PLA2G15: variants seen among roughly 807,000 people sequenced by gnomAD.
PLA2G15 encodes lysosomal phospholipase A and acyltransferase.
PLA2G15 carries 20 observed loss-of-function variants against 40.9 expected under a neutral mutation model. That is an observed-to-expected ratio of 0.49 (90% confidence interval 0.34 to 0.71). The LOEUF is 0.71. Among genes scored for constraint, PLA2G15 ranks in the 30% least tolerant of loss-of-function variants. PLA2G15 has a pLI of 0.01. For synonymous variants in PLA2G15, 223 were observed against 228.2 expected (o/e 0.98, Z 0.21); for missense variants, 471 against 541.9 (o/e 0.87, Z 1.30).
rs1474815797 is a variant in PLA2G15 at position 68,255,769 on chromosome 16, A to G, written c.506A>G (p.Glu169Gly). The change falls in exon 5 of 6, where the codon GAA (glutamate) becomes GGA (glycine). Residue 169 changes from glutamate (E) to glycine (G), a missense_variant. Glu to Gly is a moderately conservative substitution (Grantham distance 98). Transcript: ENST00000219345. This position sits in a 1 kb window ranked among gnomAD's most constrained non-coding sequence, Gnocchi z 5.9. ...APYDWRRAPN[E>G]NGPYFLALRE... ...CCTGCCTGGCTCTGGCCTGCAGATG[A>G]AAACGGGCCCTACTTCCTGGCCCTC... The G allele has an allele frequency of 6.2e-7, 1 of 1,613,940 alleles. No individual in the cohort carries two copies. Among genetic ancestry groups the G allele is most frequent in the Non-Finnish European group, 8.5e-7 (1 of 1,179,820 alleles).
chr16:68,256,065 C>T, intron 5 of PLA2G15, 75 bp downstream of exon 5: 1 of 946,892 alleles, frequency 1.1e-6, no homozygotes. Flanking sequence ...TAAGTGTCCT[C>T]CTGGGCCAGC....
chr16:68,246,818 G>A (rs1317684884), intron 1 of PLA2G15, among the ~76,000 whole-genome samples: 1 of 152,152 alleles, frequency 6.6e-6, no homozygotes, highest in Non-Finnish European at 1.5e-5. Flanking sequence ...AGCATCTCAG[G>A]CTGCCTGGGA....
intron 2 of PLA2G15, among the ~76,000 whole-genome samples, chr16:68,252,242 G>T (rs1341909000): frequency 6.6e-6 from 1 of 152,134 alleles, no homozygotes; most frequent in African/African-American, 2.4e-5. Context: ...TCTACAAATT[G>T]CCCTGGAGAG....
At chr16:68,248,037 G>T (rs186551423) in intron 1 of PLA2G15, among the ~76,000 whole-genome samples, 197 of 152,312 alleles carry the variant, frequency 1.3e-3, no homozygotes, top group Non-Finnish European at 2.5e-3. Context: ...CCTGGACTGT[G>T]GTGATAATGG....
Position 68,245,549 on chromosome 16 carries a change from G to T in PLA2G15, c.123G>T (p.Val41=). ...CGGCCGGACGTCACCCCCCAGTGGT[G>T]CTGGGTGAGGCACGGGTCTCGTGGT... ...ALPAGRHPPV[V]LVPGDLGNQL... is the part of the protein sequence containing the mutation. Residue 41 remains valine, a synonymous_variant, in exon 1 of 6, where the codon GTG becomes GTT. Transcript: ENST00000219345. 1 of 1,577,322 alleles carries T rather than the reference G, an allele frequency of 6.3e-7. No individual in the cohort carries two copies. The highest frequency in any genetic ancestry group is 8.6e-7 in the Non-Finnish European group (1 of 1,167,372).
Position 68,259,163 on chromosome 16 carries a change from C to T in PLA2G15, c.745C>T (p.Pro249Ser), listed in dbSNP as rs2042423320. The T allele has an allele frequency of 1.9e-6, 3 of 1,612,830 alleles. No individual in the cohort carries two copies. Among genetic ancestry groups the T allele is most frequent in the Non-Finnish European group, 2.5e-6 (3 of 1,179,542 alleles). The change falls in exon 6 of 6, where the codon CCA (proline) becomes TCA (serine). Residue 249 changes from proline (P) to serine (S), a missense_variant. Physicochemically the swap from Pro to Ser is moderately conservative, Grantham distance 74 (BLOSUM62 -1). Coordinates refer to ENST00000219345, the MANE Select transcript of PLA2G15 (RefSeq NM_012320.4). This position sits in a 1 kb window ranked among gnomAD's most constrained non-coding sequence, Gnocchi z 6.5. ...CCCTGCAGGAGACAACAACCGGATC[C>T]CAGTCATCGGGCCCCTGAAGATCCG... ...VLASGDNNRI[P>S]VIGPLKIREQ...
At chr16:68,257,914 G>A (rs1176283376) in intron 5 of PLA2G15, among the ~76,000 whole-genome samples, 1 of 152,214 alleles carries the variant, frequency 6.6e-6, no homozygotes, top group Admixed American at 6.5e-5. Context: ...GACTGGGTGT[G>A]TGGTGCGGGG....
chr16:68,246,805 G>A lies in PLA2G15; in HGVS notation c.127+1252G>A, dbSNP rs188091491. ...AGAGAGTAATGGGTCGGGGAGAGAC[G>A]TGAGCATCTCAGGCTGCCTGGGATC... On this transcript the variant is annotated intron_variant, in intron 1 of 5. Coordinates refer to ENST00000219345, the MANE Select transcript of PLA2G15 (RefSeq NM_012320.4). Among the ~76,000 whole-genome samples the A allele has an allele frequency of 1.8e-4, 27 of 152,300 alleles. No homozygotes were observed. The East Asian group carries it at 4.4e-3, about 25-fold the overall frequency.
Position 68,245,572 on chromosome 16 carries a change from G to A in PLA2G15, c.127+19G>A. The A allele has an allele frequency of 6.4e-7, 1 of 1,562,834 alleles. No homozygotes were observed. The highest frequency in any genetic ancestry group is 8.6e-7 in the Non-Finnish European group (1 of 1,160,256). On this transcript the variant is annotated intron_variant, in intron 1 of 5. Transcript: ENST00000219345. ...GTGCTGGGTGAGGCACGGGTCTCGT[G>A]GTGGATCTGTCGGTCGGGCGGGACG...
Position 68,255,180 on chromosome 16 carries a change from T to G in PLA2G15, c.404-102T>G. 1 of 1,019,266 alleles carries G rather than the reference T, an allele frequency of 9.8e-7. No homozygotes were observed. Among genetic ancestry groups the G allele is most frequent in the Non-Finnish European group, 1.5e-6 (1 of 648,924 alleles). 63.1% of individuals were successfully genotyped at this position (1,019,266 alleles called of 1,614,324 possible). On this transcript the variant is annotated intron_variant, in intron 3 of 5. Coordinates refer to ENST00000219345, the MANE Select transcript of PLA2G15 (RefSeq NM_012320.4). This position sits in a 1 kb window ranked among gnomAD's most constrained non-coding sequence, Gnocchi z 5.9. ...GCGTGGGCACAGAGCCCTGTAGCAT[T>G]CTTCCAAGGACCTGCTAGCTGTCAC...
chr16:68,251,404 G>A (rs950538367), intron 2 of PLA2G15, among the ~76,000 whole-genome samples: 1 of 152,060 alleles, frequency 6.6e-6, no homozygotes, highest in Non-Finnish European at 1.5e-5. Flanking sequence ...TTTCCTGGTC[G>A]GGTGCGGTGG....
At chr16:68,257,356 G>A (rs1173945615) in intron 5 of PLA2G15, among the ~76,000 whole-genome samples, 1 of 152,142 alleles carries the variant, frequency 6.6e-6, no homozygotes, top group Non-Finnish European at 1.5e-5. Context: ...TATGAGTTGC[G>A]CCTCCATCTG....
intron 2 of PLA2G15, 94 bp downstream of exon 2, chr16:68,249,540 C>T (rs2042337140): frequency 1.7e-6 from 2 of 1,178,926 alleles, no homozygotes; most frequent in Non-Finnish European, 1.2e-6. Flanking sequence ...CTCGAGGTCA[C>T]TGACCTCTCT....
intron 2 of PLA2G15, chr16:68,253,286 C>A: frequency 3.0e-6 from 1 of 332,710 alleles, no homozygotes; most frequent in Admixed American, 3.8e-5. Flanking sequence ...CAGCTCCCAT[C>A]ATTTCTCTGG....
intron 5 of PLA2G15, among the ~76,000 whole-genome samples, chr16:68,258,205 C>A (rs1164941288): frequency 6.6e-6 from 1 of 152,236 alleles, no homozygotes; most frequent in African/African-American, 2.4e-5. Flanking sequence ...TCCCCTCGTG[C>A]CCTGTCTCCA....
chr16:68,255,520 C>G lies in PLA2G15; in HGVS notation c.502+140C>G. The G allele has an allele frequency of 1.5e-6, 1 of 659,196 alleles. No individual in the cohort carries two copies. Among genetic ancestry groups the G allele is most frequent in the South Asian group, 1.9e-5 (1 of 51,774 alleles). 40.8% of individuals were successfully genotyped at this position (659,196 alleles called of 1,614,324 possible). On this transcript the variant is annotated intron_variant, in intron 4 of 5. Transcript: ENST00000219345. The surrounding 1 kb of genome is among the most constrained non-coding windows in gnomAD (Gnocchi z 5.9). The stretch of plus-strand genomic sequence containing the variant: ...CCTCTGGCATCCAGTCTAGTGGTCA[C>G]AGCCACCACCTTTGGTCAGTCTTAT...
chr16:68,247,744 G>A (rs2042320709), intron 1 of PLA2G15, among the ~76,000 whole-genome samples: 1 of 152,264 alleles, frequency 6.6e-6, no homozygotes, highest in African/African-American at 2.4e-5. Context: ...TGCCCAGGGA[G>A]GGCACGCCCT....
At chr16:68,252,388 T>C (rs116886316) in intron 2 of PLA2G15, 12,696 of 322,728 alleles carry the variant, frequency 0.039, 290 homozygotes, top group Middle Eastern at 0.12. Flanking sequence ...CACATTTGCT[T>C]CTTCAGTGTG....
intron 1 of PLA2G15, among the ~76,000 whole-genome samples, chr16:68,245,980 T>A (rs1227980781): frequency 6.6e-6 from 1 of 152,148 alleles, no homozygotes; most frequent in Non-Finnish European, 1.5e-5. Flanking sequence ...ACCCCTCCAA[T>A]GCCACATATG....
Sources: allele counts gnomAD v4.1 joint callset (sites outside exome capture counted in the v4.1 genomes callset), GRCh38; gene constraint gnomAD v4.1.1; non-coding constraint Gnocchi (gnomAD v3.1); transcripts MANE v1.5; gene names NCBI Gene and HGNC (gene_info 2026-07-23, HGNC 2026-07-21).